TOP1: variants seen among roughly 807,000 people sequenced by gnomAD.
TOP1 encodes DNA topoisomerase 1.
Under a neutral mutation model 111.1 loss-of-function variants are expected in TOP1, and 10 were observed. The observed-to-expected ratio is 0.09, with a 90% CI of 0.06 to 0.15. The LOEUF (loss-of-function observed/expected upper bound fraction) is 0.15, where lower values mean the gene tolerates loss of function less well. TOP1 is among the 10% of genes least tolerant of loss of function. The pLI is 1.00. For missense variants in TOP1, 474 were observed against 926.7 expected (o/e 0.51, Z 6.34); for synonymous variants, 271 against 302.9 (o/e 0.89, Z 1.10).
intron 2 of TOP1, among the ~76,000 whole-genome samples, chr20:41,036,615 C>G (rs904948667): frequency 2.0e-5 from 3 of 152,104 alleles, no homozygotes; most frequent in Non-Finnish European, 4.4e-5. Context: ...GGGAGTCTGT[C>G]TTTCATTGGT....
rs995393014 is a variant in TOP1 at position 41,061,580 on chromosome 20, A to G, written c.155+90A>G. 4.6e-6 allele frequency: 5 copies of G among 1,092,130 alleles called. No homozygotes were observed. Among genetic ancestry groups the G allele is most frequent in the South Asian group, 4.5e-5 (3 of 66,782 alleles). 67.7% of individuals were successfully genotyped at this position (1,092,130 alleles called of 1,614,324 possible). A position where few individuals can be genotyped will look rare whatever the true frequency, so the allele number is the denominator to read the frequency against. On this transcript the variant is annotated intron_variant, in intron 3 of 20. Transcript: ENST00000361337. This position sits in a 1 kb window ranked among gnomAD's most constrained non-coding sequence, Gnocchi z 4.6. ...TGGAATAGGTCTTAACTTGAGCTAC[A>G]TGTAAAGATAGCAAAGTAAGTAGAA...
intron 8 of TOP1, among the ~76,000 whole-genome samples, chr20:41,089,372 G>A (rs1258720563): frequency 6.6e-6 from 1 of 152,070 alleles, no homozygotes; most frequent in Non-Finnish European, 1.5e-5. Context: ...CTGTCTCTAT[G>A]AATTTGACTA....
In TOP1 at chr20:41,075,380, C is replaced by T. The variant is rs1008557268; in HGVS notation, c.156-791C>T. ...TAGAAACGGGGTTTCACTGTGTTAGCCGGGATGGTCTCAGTCTCCTGACCT... is the reference window on the plus strand; with the variant it reads ...TAGAAACGGGGTTTCACTGTGTTAGTCGGGATGGTCTCAGTCTCCTGACCT... On this transcript the variant is annotated intron_variant, in intron 3 of 20. Coordinates refer to ENST00000361337, the MANE Select transcript of TOP1 (RefSeq NM_003286.4). 3.3e-5 allele frequency among the ~76,000 whole-genome samples: 5 copies of T among 152,278 alleles called. No individual in the cohort carries two copies. In the East Asian group the frequency reaches 9.6e-4, roughly 29 times the overall value.
chr20:41,043,558 A>G (rs1478746589), intron 2 of TOP1, among the ~76,000 whole-genome samples: 3 of 152,242 alleles, frequency 2.0e-5, no homozygotes, highest in African/African-American at 7.2e-5. Flanking sequence ...GCGCATTTCA[A>G]GCCCTGTCAA....
rs185440697 is a variant in TOP1, at chr20:41,116,373, G to A, written c.1803G>A (p.Gln601=). ...ATGCCTCCATCACGCTACAGCAGCA[G>A]CTAAAAGAACTGACAGCCCGTAAGT... ...TYNASITLQQ[Q]LKELTAPDEN... Residue 601 remains glutamine (Q), a synonymous_variant, in exon 17 of 21, where the codon CAG becomes CAA. Coordinates refer to ENST00000361337, the MANE Select transcript of TOP1 (RefSeq NM_003286.4). The surrounding 1 kb of genome is among the most constrained non-coding windows in gnomAD (Gnocchi z 5.6). 3.2e-5 allele frequency: 51 copies of A among 1,614,086 alleles called. No homozygotes were observed. The East Asian group carries it at 1.1e-3, about 35-fold the overall frequency.
In TOP1 at chr20:41,071,085, T is replaced by A. The variant is rs1230134596; in HGVS notation, c.156-5086T>A. ...TTAAATGGTTTCCCATAGCCAACAT[T>A]CTAGCTTTCCAGAATATCAGTATTT... On this transcript the variant is annotated intron_variant, in intron 3 of 20. Transcript: ENST00000361337. This position sits in a 1 kb window ranked among gnomAD's most constrained non-coding sequence, Gnocchi z 4.3. 6.6e-6 allele frequency among the ~76,000 whole-genome samples: 1 copy of A among 152,200 alleles called. No individual in the cohort carries two copies. Among genetic ancestry groups the A allele is most frequent in the Non-Finnish European group, 1.5e-5 (1 of 68,040 alleles).
At chr20:41,041,819 G>A (rs2033269019) in intron 2 of TOP1, among the ~76,000 whole-genome samples, 1 of 152,014 alleles carries the variant, frequency 6.6e-6, no homozygotes, top group South Asian at 2.1e-4. Flanking sequence ...ATCTTATTTG[G>A]CTAAAGATCT....
At chr20:41,055,848 A>G (rs1352239811) in intron 2 of TOP1, among the ~76,000 whole-genome samples, 1 of 152,044 alleles carries the variant, frequency 6.6e-6, no homozygotes, top group African/African-American at 2.4e-5. Flanking sequence ...TTTATCTCTT[A>G]CTATGCCTTA....
intron 17 of TOP1, among the ~76,000 whole-genome samples, chr20:41,117,337 A>AAAC (rs2034346602): frequency 6.6e-6 from 1 of 151,748 alleles, no homozygotes; most frequent in African/African-American, 2.4e-5. Context: ...GCTATCTCTA[A>AAAC]AATAATAATA....
rs1219533905 is a variant in TOP1, at chr20:41,029,131, G to T, written c.33+31G>T. On this transcript the variant is annotated intron_variant, in intron 1 of 20. Transcript: ENST00000361337. The surrounding 1 kb of genome is among the most constrained non-coding windows in gnomAD (Gnocchi z 6.1). ...GCCCGGCCTGACCCTGGCGGCCCCG[G>T]ACCCCGGCCTGGCCGTCCCGCGACC... 5 of 1,462,934 alleles carry T rather than the reference G, an allele frequency of 3.4e-6. No homozygotes were observed. In the Admixed American group the frequency reaches 1.3e-4, roughly 38 times the overall value. The allele number at this position is 1,462,934 out of a possible 1,614,324, so 90.6% of individuals were successfully genotyped here.
Position 41,080,986 on chromosome 20 carries a change from T to C in TOP1, c.432-179T>C, listed in dbSNP as rs1335867897. ...TTCTATATAGGGCTATAACTATTAC[T>C]CTTTGGTCTGACCTTCATTATTTTC... is the stretch of plus-strand genomic sequence containing the variant. On this transcript the variant is annotated intron_variant, in intron 6 of 20. Transcript: ENST00000361337. The surrounding 1 kb of genome is among the most constrained non-coding windows in gnomAD (Gnocchi z 5.0). Among the ~76,000 whole-genome samples the C allele has an allele frequency of 6.6e-6, 1 of 152,230 alleles. No individual in the cohort carries two copies. The highest frequency in any genetic ancestry group is 1.5e-5 in the Non-Finnish European group (1 of 68,038).
At chr20:41,077,346 G>A (rs2033740157) in intron 4 of TOP1, among the ~76,000 whole-genome samples, 1 of 152,200 alleles carries the variant, frequency 6.6e-6, no homozygotes, top group South Asian at 2.1e-4. Flanking sequence ...AAAGTAAAAA[G>A]CTGCCATTTT....
rs535104067 is a variant in TOP1, at chr20:41,060,816, A to G, written c.59-578A>G. The stretch of plus-strand genomic sequence containing the variant: ...TTAGATTACCTAATACAGTGTAACT[A>G]TATAAATAGTTGTTATATTGTGGGG... On this transcript the variant is annotated intron_variant, in intron 2 of 20. Coordinates refer to ENST00000361337, the MANE Select transcript of TOP1 (RefSeq NM_003286.4). 3.9e-5 allele frequency among the ~76,000 whole-genome samples: 6 copies of G among 152,344 alleles called. No homozygotes were observed. In the South Asian group the frequency reaches 1.0e-3, roughly 26 times the overall value.
rs200111693 is a variant in TOP1, at chr20:41,061,252, C to CT, written c.59-133dup. On this transcript the variant is annotated intron_variant, in intron 2 of 20. Transcript: ENST00000361337. The surrounding 1 kb of genome is among the most constrained non-coding windows in gnomAD (Gnocchi z 4.6). ...CTTTGTCTGGGCTTCTTTGTGAAAGCTTTTTTTTTCAGTGGCATGTGCTAT... is the reference window on the plus strand; with the variant it reads ...CTTTGTCTGGGCTTCTTTGTGAAAGCTTTTTTTTTTCAGTGGCATGTGCTAT... The CT allele has an allele frequency of 1.1e-3, 792 of 694,442 alleles. No homozygotes were observed. Among genetic ancestry groups the CT allele is most frequent in the Non-Finnish European group, 1.4e-3 (615 of 436,988 alleles). The allele number at this position is 694,442 out of a possible 1,614,324, so 43.0% of individuals were successfully genotyped here.
At chr20:41,088,804 C>T (rs919170870) in intron 8 of TOP1, among the ~76,000 whole-genome samples, 5 of 151,992 alleles carry the variant, frequency 3.3e-5, no homozygotes, top group Non-Finnish European at 7.4e-5. Context: ...TTTAATATTC[C>T]TTTGAGGTCT....
At chr20:41,053,631 T>A in intron 2 of TOP1, among the ~76,000 whole-genome samples, 1 of 152,238 alleles carries the variant, frequency 6.6e-6, no homozygotes. Context: ...ATAAAGAGTT[T>A]GTATAGTTTC....
intron 2 of TOP1, among the ~76,000 whole-genome samples, chr20:41,033,665 T>C (rs1226836822): frequency 6.6e-6 from 1 of 152,216 alleles, no homozygotes; most frequent in East Asian, 1.9e-4. Context: ...TCTGAATACA[T>C]ATCATTTTAG....
Position 41,114,189 on chromosome 20 carries a change from T to C in TOP1, c.1638+34T>C. 1 of 1,566,158 alleles carries C rather than the reference T, an allele frequency of 6.4e-7. No homozygotes were observed. The highest frequency in any genetic ancestry group is 8.7e-7 in the Non-Finnish European group (1 of 1,146,936). ...ATGTACCTGTACTGTCTGACTTGTT[T>C]TCCATTATTCAACAAGCATGGGTTG... On this transcript the variant is annotated intron_variant, in intron 15 of 20. Coordinates refer to ENST00000361337, the MANE Select transcript of TOP1 (RefSeq NM_003286.4). The surrounding 1 kb of genome is among the most constrained non-coding windows in gnomAD (Gnocchi z 4.5).
intron 2 of TOP1, among the ~76,000 whole-genome samples, chr20:41,043,221 C>G (rs1001660784): frequency 1.6e-4 from 24 of 152,316 alleles, no homozygotes; most frequent in Non-Finnish European, 2.5e-4. Flanking sequence ...GAGTGTCTAC[C>G]AGGTGATCAG....
Sources: allele counts gnomAD v4.1 joint callset (sites outside exome capture counted in the v4.1 genomes callset), GRCh38; gene constraint gnomAD v4.1.1; non-coding constraint Gnocchi (gnomAD v3.1); transcripts MANE v1.5; gene names NCBI Gene and HGNC (gene_info 2026-07-23, HGNC 2026-07-21).